AGBL1: variants seen among roughly 807,000 people sequenced by gnomAD.
AGBL1 encodes the protein cytosolic carboxypeptidase 4.
Under a neutral mutation model 118.9 loss-of-function variants are expected in AGBL1, and 130 were observed. The ratio of observed to expected loss-of-function variants is 1.09; its 90% confidence interval spans 0.95 to 1.26. The LOEUF (loss-of-function observed/expected upper bound fraction) is 1.26. Among genes scored for constraint, AGBL1 ranks in the 50% most tolerant of loss-of-function variants. AGBL1 has a pLI of 0.00. For missense variants in AGBL1, 1,584 were observed against 1,298.1 expected, an observed-to-expected ratio of 1.22 and a Z score of -3.38; for synonymous variants, 555 against 478.9, an observed-to-expected ratio of 1.16 and a Z score of -2.08.
chr15:86,731,510 T>A (rs2077527254), intron 22 of AGBL1, among the ~76,000 whole-genome samples: 1 of 152,192 alleles, frequency 6.6e-6, no homozygotes, highest in Non-Finnish European at 1.5e-5. Context: ...AGGTGATGAT[T>A]TGCCAAGCAG....
chr15:86,814,943 C>T (rs912391548), intron 22 of AGBL1, among the ~76,000 whole-genome samples: 15 of 152,044 alleles, frequency 9.9e-5, no homozygotes, highest in Admixed American at 5.9e-4. Flanking sequence ...TAGAAATGTA[C>T]GAATAAATGT....
intron 5 of AGBL1, among the ~76,000 whole-genome samples, chr15:86,165,124 G>A (rs986906107): frequency 6.6e-6 from 1 of 152,160 alleles, no homozygotes; most frequent in Non-Finnish European, 1.5e-5. Flanking sequence ...AGATGGATAT[G>A]TTTGGTCTTC....
chr15:86,172,978 G>A (rs1055526127), intron 5 of AGBL1, among the ~76,000 whole-genome samples: 5 of 151,862 alleles, frequency 3.3e-5, no homozygotes, highest in Admixed American at 6.6e-5. Context: ...CAGGCTATAC[G>A]AGTTCCCTTT....
At chr15:86,396,243 G>GTGTATA (rs928214589) in intron 17 of AGBL1, among the ~76,000 whole-genome samples, 51 of 126,622 alleles carry the variant, frequency 4.0e-4, no homozygotes, top group African/African-American at 1.5e-3. Context: ...GTGTGTGTGT[G>GTGTATA]TATATATATA....
chr15:86,930,871 A>C (rs888904524), intron 23 of AGBL1, among the ~76,000 whole-genome samples: 3 of 152,208 alleles, frequency 2.0e-5, no homozygotes, highest in Admixed American at 6.5e-5. Flanking sequence ...GTGGCTTAAA[A>C]CAATAGTCAA....
intron 24 of AGBL1, among the ~76,000 whole-genome samples, chr15:86,999,238 A>G (rs2081410564): frequency 6.7e-6 from 1 of 148,734 alleles, no homozygotes; most frequent in Non-Finnish European, 1.5e-5. Context: ...TTTTTATTAT[A>G]CTTTTAAGTT....
intron 21 of AGBL1, among the ~76,000 whole-genome samples, chr15:86,642,654 T>C (rs1403982847): frequency 6.6e-6 from 1 of 152,080 alleles, no homozygotes; most frequent in Non-Finnish European, 1.5e-5. Context: ...ATTAAACCAC[T>C]TTTACAATCT....
chr15:86,829,519 T>C (rs891039981), intron 22 of AGBL1, among the ~76,000 whole-genome samples: 7 of 152,056 alleles, frequency 4.6e-5, no homozygotes, highest in Admixed American at 1.3e-4. Context: ...TCTGAAGCAA[T>C]ATCAGGCCTT....
chr15:86,496,165 T>C (rs183983043), intron 18 of AGBL1, among the ~76,000 whole-genome samples: 17 of 152,168 alleles, frequency 1.1e-4, no homozygotes, highest in Non-Finnish European at 1.5e-5. Context: ...GGTCTCATGA[T>C]AGTGAATGAG....
chr15:86,767,184 T>A (rs1378695155), intron 22 of AGBL1, among the ~76,000 whole-genome samples: 3 of 151,984 alleles, frequency 2.0e-5, no homozygotes, highest in Non-Finnish European at 2.9e-5. Flanking sequence ...AAGAATGCAA[T>A]ACTGCTCAGA....
intron 5 of AGBL1, among the ~76,000 whole-genome samples, chr15:86,201,926 G>A (rs758106628): frequency 6.6e-6 from 1 of 152,156 alleles, no homozygotes; most frequent in Non-Finnish European, 1.5e-5. Flanking sequence ...AGGGGGCGGT[G>A]CTGGCAGACA....
chr15:86,679,727 A>T lies in AGBL1; in HGVS notation c.3158+5291A>T, dbSNP rs150315661. Among the ~76,000 whole-genome samples the T allele has an allele frequency of 1.8e-3, 268 of 152,176 alleles. 4 individuals carry two copies. In the East Asian group the frequency reaches 0.022, roughly 13 times the overall value. ...TTGATATCTTCTCCATTATTACTAT[A>T]TTTTCTTAGCTTATTAATTTAACAA... is the stretch of plus-strand genomic sequence containing the variant. On this transcript the variant is annotated intron_variant, in intron 22 of 22. Transcript: ENST00000614907.
intron 22 of AGBL1, among the ~76,000 whole-genome samples, chr15:86,839,620 C>T (rs2079217695): frequency 1.3e-5 from 2 of 152,146 alleles, no homozygotes; most frequent in Admixed American, 6.5e-5. Context: ...CCTTATATGT[C>T]AGTTGCAGAC....
intron 22 of AGBL1, among the ~76,000 whole-genome samples, chr15:86,809,176 A>G (rs1206310953): frequency 6.6e-6 from 1 of 152,144 alleles, no homozygotes. Context: ...TCAATCCAAG[A>G]TCTGTTTCAC....
chr15:86,997,077 T>C (rs939302110), intron 24 of AGBL1, among the ~76,000 whole-genome samples: 16 of 152,114 alleles, frequency 1.1e-4, no homozygotes, highest in Admixed American at 6.5e-4. Flanking sequence ...TTCTTTCCTG[T>C]TGTTTTGATC....
chr15:86,729,525 A>G (rs2077500754), intron 22 of AGBL1, among the ~76,000 whole-genome samples: 1 of 152,164 alleles, frequency 6.6e-6, no homozygotes, highest in Non-Finnish European at 1.5e-5. Context: ...GAGAACATGC[A>G]GTATTTTGTT....
chr15:86,928,989 T>G (rs542169492), intron 23 of AGBL1, among the ~76,000 whole-genome samples: 3 of 152,346 alleles, frequency 2.0e-5, no homozygotes, highest in Admixed American at 2.0e-4. Flanking sequence ...CCAGAACTTT[T>G]TTTTAATCAT....
At chr15:86,138,167 T>G (rs1340130357) in intron 1 of AGBL1, 2 of 152,218 alleles carry the variant, frequency 1.3e-5, no homozygotes, top group African/African-American at 4.8e-5. Context: ...CTTTATTCAA[T>G]CTGGTCATAC....
chr15:86,497,911 T>C (rs2082873717), intron 18 of AGBL1, among the ~76,000 whole-genome samples: 1 of 151,986 alleles, frequency 6.6e-6, no homozygotes, highest in African/African-American at 2.4e-5. Context: ...TATTTAGATA[T>C]TTCTTGTCTG....
Sources: allele counts gnomAD v4.1 joint callset (sites outside exome capture counted in the v4.1 genomes callset), GRCh38; gene constraint gnomAD v4.1.1; transcripts MANE v1.5; gene names NCBI Gene and HGNC (gene_info 2026-07-23, HGNC 2026-07-21).